NFIA: variants seen among roughly 807,000 people sequenced by gnomAD.
NFIA encodes the protein nuclear factor I A.
NFIA carries 8 observed loss-of-function variants against 62.8 expected under a neutral mutation model. The observed-to-expected ratio is 0.13, with a 90% CI of 0.07 to 0.23. NFIA has a LOEUF of 0.23. Among genes scored for constraint, NFIA ranks in the 10% least tolerant of loss-of-function variants. The pLI is 1.00. For synonymous variants in NFIA, 235 were observed against 238.1 expected (o/e 0.99, Z 0.12); for missense variants, 410 against 642.1 (o/e 0.64, Z 3.91).
intron 2 of NFIA, among the ~76,000 whole-genome samples, chr1:61,106,503 T>G: frequency 6.6e-6 from 1 of 151,956 alleles, no homozygotes; most frequent in East Asian, 1.9e-4. Context: ...CCAAATTTGA[T>G]TATTATTGTA....
At chr1:61,333,394 C>A (rs1661415154) in intron 4 of NFIA, among the ~76,000 whole-genome samples, 1 of 152,154 alleles carries the variant, frequency 6.6e-6, no homozygotes, top group Non-Finnish European at 1.5e-5. Flanking sequence ...ACTGAGTAAG[C>A]CAGTCCATCT....
intron 6 of NFIA, among the ~76,000 whole-genome samples, chr1:61,382,039 A>C (rs1210842419): frequency 6.6e-6 from 1 of 152,202 alleles, no homozygotes; most frequent in African/African-American, 2.4e-5. Flanking sequence ...AGAACACAGC[A>C]CATGTAAACA....
chr1:61,407,669 C>T (rs1354215566), intron 9 of NFIA, among the ~76,000 whole-genome samples: 1 of 152,064 alleles, frequency 6.6e-6, no homozygotes, highest in Non-Finnish European at 1.5e-5. Flanking sequence ...GGAGCTGTGG[C>T]AGTGTGACCC....
At chr1:61,145,018 T>A (rs961746534) in intron 2 of NFIA, among the ~76,000 whole-genome samples, 20 of 152,180 alleles carry the variant, frequency 1.3e-4, no homozygotes, top group Non-Finnish European at 2.6e-4. Context: ...TGCCTTCCCC[T>A]TTACCTCTTA....
chr1:61,415,414 G>GA (rs1020282851), intron 9 of NFIA, among the ~76,000 whole-genome samples: 6 of 151,194 alleles, frequency 4.0e-5, no homozygotes, highest in Non-Finnish European at 7.4e-5. Context: ...ACAAAAGATA[G>GA]AAAAAAAATT....
At chr1:61,238,289 A>G (rs1343367427) in intron 2 of NFIA, among the ~76,000 whole-genome samples, 1 of 152,206 alleles carries the variant, frequency 6.6e-6, no homozygotes, top group Non-Finnish European at 1.5e-5. Context: ...TTAATTTCCA[A>G]ATAAATCTAT....
intron 4 of NFIA, among the ~76,000 whole-genome samples, chr1:61,334,875 C>G (rs1661517695): frequency 6.6e-6 from 1 of 152,010 alleles, no homozygotes; most frequent in Admixed American, 6.6e-5. Context: ...CTTCCACTCC[C>G]TGTCTTTCCT....
chr1:61,328,467 G>C (rs1490582167), intron 3 of NFIA, among the ~76,000 whole-genome samples: 1 of 151,474 alleles, frequency 6.6e-6, no homozygotes, highest in Non-Finnish European at 1.5e-5. Context: ...TATTGCCCAA[G>C]CTGGAGTGCA....
At chr1:61,306,675 C>G (rs1219696504) in intron 3 of NFIA, among the ~76,000 whole-genome samples, 1 of 152,130 alleles carries the variant, frequency 6.6e-6, no homozygotes, top group Admixed American at 6.5e-5. Flanking sequence ...TAACAAGGTA[C>G]CTGCAAAGTA....
intron 6 of NFIA, 125 bp downstream of exon 6, chr1:61,359,399 A>T: frequency 7.3e-7 from 1 of 1,364,034 alleles, no homozygotes. Flanking sequence ...CAGGATGAGC[A>T]CTTGTTTGTA....
At chr1:61,326,499 G>T (rs1425594425) in intron 3 of NFIA, among the ~76,000 whole-genome samples, 2 of 151,452 alleles carry the variant, frequency 1.3e-5, no homozygotes. Flanking sequence ...GGTGAGCCCA[G>T]TTTGAGTTTC....
chr1:61,448,975 G>C (rs140503844), intron 10 of NFIA, among the ~76,000 whole-genome samples: 80 of 152,312 alleles, frequency 5.3e-4, no homozygotes, highest in African/African-American at 1.9e-3. Context: ...AAAAAGATTA[G>C]TGTTTTCCCG....
At chr1:61,297,094 A>C (rs2100321856) in intron 3 of NFIA, among the ~76,000 whole-genome samples, 1 of 152,334 alleles carries the variant, frequency 6.6e-6, no homozygotes, top group South Asian at 2.1e-4. Flanking sequence ...ATGAGTCACA[A>C]CAATTACCAG....
chr1:61,286,091 T>C (rs1432644807), intron 3 of NFIA, among the ~76,000 whole-genome samples: 1 of 152,158 alleles, frequency 6.6e-6, no homozygotes, highest in Non-Finnish European at 1.5e-5. Context: ...TAAAGACTTG[T>C]ACCTCAATTT....
In NFIA at chr1:61,406,543, G is replaced by GGGGGGGGCCC; in HGVS notation, c.1255-19_1255-18insGGGGGGGCCC. The GGGGGGGGCCC allele has an allele frequency of 1.1e-6, 1 of 876,654 alleles. No homozygotes were observed. Among genetic ancestry groups the GGGGGGGGCCC allele is most frequent in the Non-Finnish European group, 1.5e-6 (1 of 653,744 alleles). 54.3% of individuals were successfully genotyped at this position (876,654 alleles called of 1,614,324 possible). On this transcript the variant is annotated intron_variant, in intron 8 of 10. Coordinates refer to ENST00000403491, the MANE Select transcript of NFIA (RefSeq NM_001134673.4). The stretch of plus-strand genomic sequence containing the variant: ...TCTTTTTCTTGTACGTGTGTTTTCT[G>GGGGGGGGCCC]CCCCCCCCCCCCCCACAGCCCAATG...
intron 2 of NFIA, among the ~76,000 whole-genome samples, chr1:61,274,044 C>T (rs1277803708): frequency 6.6e-6 from 1 of 152,100 alleles, no homozygotes; most frequent in African/African-American, 2.4e-5. Context: ...ACAAGGTTTC[C>T]GTTCTTGCAT....
chr1:61,446,631 G>C (rs923516570), intron 10 of NFIA, among the ~76,000 whole-genome samples: 1 of 152,212 alleles, frequency 6.6e-6, no homozygotes, highest in Non-Finnish European at 1.5e-5. Flanking sequence ...TGTCTGAAGG[G>C]CTTCTTGGCT....
chr1:61,100,757 T>C (rs1290431218), intron 2 of NFIA, among the ~76,000 whole-genome samples: 1 of 152,004 alleles, frequency 6.6e-6, no homozygotes, highest in East Asian at 2.0e-4. Flanking sequence ...CACCCTGGGC[T>C]AACTTAAAAA....
chr1:61,378,422 A>G (rs1486688363), intron 6 of NFIA, among the ~76,000 whole-genome samples: 3 of 152,218 alleles, frequency 2.0e-5, no homozygotes, highest in South Asian at 4.1e-4. Context: ...GTGAAAGACT[A>G]TACAACCTAG....
Sources: gnomAD v4.1 joint callset for allele counts (sites outside exome capture counted in the v4.1 genomes callset) on GRCh38, gnomAD v4.1.1 for gene constraint, MANE v1.5 for transcripts, NCBI Gene and HGNC (gene_info 2026-07-23, HGNC 2026-07-21) for gene names.